Variants in MAGI1 observed in about 807,000 individuals in gnomAD.
MAGI1 encodes membrane-associated guanylate kinase, WW and PDZ domain-containing protein 1.
MAGI1 carries 58 observed loss-of-function variants against 139.9 expected under a neutral mutation model. The observed-to-expected ratio is 0.41, with a 90% CI of 0.34 to 0.52. The LOEUF is 0.52. Ranked by LOEUF, MAGI1 falls within the 20% of genes least tolerant of loss-of-function variation. The pLI, the probability that MAGI1 is intolerant of heterozygous loss-of-function variation, is 0.12. For missense variants in MAGI1, 1,874 were observed against 1,901.6 expected, an observed-to-expected ratio of 0.99 and a Z score of 0.27; for synonymous variants, 812 against 737.9, an observed-to-expected ratio of 1.10 and a Z score of -1.63.
intron 1 of MAGI1, among the ~76,000 whole-genome samples, chr3:65,988,520 G>T (rs751490135): frequency 1.4e-4 from 22 of 152,128 alleles, no homozygotes; most frequent in Admixed American, 3.9e-4. Context: ...ACAAATGAGG[G>T]CAAAACCAGA....
At chr3:65,600,168 T>G (rs1429063267) in intron 2 of MAGI1, among the ~76,000 whole-genome samples, 2 of 152,182 alleles carry the variant, frequency 1.3e-5, no homozygotes, top group Admixed American at 1.3e-4. Flanking sequence ...AGAAAATGAT[T>G]GTACAGTACA....
At chr3:66,011,937 A>C (rs1268992533) in intron 1 of MAGI1, among the ~76,000 whole-genome samples, 1 of 152,138 alleles carries the variant, frequency 6.6e-6, no homozygotes, top group Non-Finnish European at 1.5e-5. Flanking sequence ...AGTAAAATGC[A>C]ATTCTAGCGA....
At chr3:65,605,935 T>C (rs945797769) in intron 2 of MAGI1, among the ~76,000 whole-genome samples, 6 of 152,160 alleles carry the variant, frequency 3.9e-5, no homozygotes, top group Non-Finnish European at 8.8e-5. Context: ...GGTAGTTACA[T>C]GTAAAACATC....
At chr3:65,600,590 C>A (rs77486738) in intron 2 of MAGI1, among the ~76,000 whole-genome samples, 3,279 of 152,172 alleles carry the variant, frequency 0.022, 96 homozygotes, top group African/African-American at 0.069. Context: ...TTGTCGCACA[C>A]ACAAAATTAA....
At chr3:65,389,229 T>C (rs1030028289) in intron 14 of MAGI1, among the ~76,000 whole-genome samples, 6 of 152,150 alleles carry the variant, frequency 3.9e-5, no homozygotes, top group African/African-American at 1.4e-4. Context: ...TCCTAATTTT[T>C]TTTTCCTAGT....
intron 1 of MAGI1, among the ~76,000 whole-genome samples, chr3:65,766,677 G>A (rs960077207): frequency 2.0e-5 from 3 of 151,844 alleles, no homozygotes; most frequent in African/African-American, 4.8e-5. Flanking sequence ...ATCACTTGAG[G>A]TCATGAGTTT....
At chr3:65,565,856 C>CAAAAA (rs766254957) in intron 2 of MAGI1, among the ~76,000 whole-genome samples, 1 of 93,930 alleles carries the variant, frequency 1.1e-5, no homozygotes. Flanking sequence ...GACTCCGTGT[C>CAAAAA]AAAAAAAAAA....
intron 1 of MAGI1, among the ~76,000 whole-genome samples, chr3:65,899,209 G>A (rs943884327): frequency 3.3e-5 from 5 of 152,128 alleles, no homozygotes; most frequent in East Asian, 1.9e-4. Context: ...GACCCACCAC[G>A]CCCAGCCTAA....
intron 12 of MAGI1, among the ~76,000 whole-genome samples, chr3:65,411,788 G>A (rs1023210834): frequency 5.9e-5 from 9 of 151,884 alleles, no homozygotes; most frequent in Non-Finnish European, 1.3e-4. Flanking sequence ...AATAATATCC[G>A]GGCTTTTAAC....
intron 1 of MAGI1, among the ~76,000 whole-genome samples, chr3:65,916,314 C>A (rs1401817673): frequency 6.6e-6 from 1 of 152,002 alleles, no homozygotes; most frequent in Admixed American, 6.6e-5. Flanking sequence ...AGTGATCTTC[C>A]CGTCTCAGCC....
intron 1 of MAGI1, among the ~76,000 whole-genome samples, chr3:65,940,766 A>C (rs1250510699): frequency 6.6e-6 from 1 of 152,236 alleles, no homozygotes; most frequent in Admixed American, 6.5e-5. Flanking sequence ...CAAAGTGCGT[A>C]TCAGACTGCA....
At chr3:65,735,939 C>T (rs749634448) in intron 1 of MAGI1, among the ~76,000 whole-genome samples, 9 of 152,144 alleles carry the variant, frequency 5.9e-5, no homozygotes, top group Non-Finnish European at 1.3e-4. Flanking sequence ...TTCATAGAGG[C>T]CCATGGAGAT....
intron 1 of MAGI1, among the ~76,000 whole-genome samples, chr3:65,627,986 C>G (rs1159820544): frequency 6.6e-6 from 1 of 152,042 alleles, no homozygotes; most frequent in Admixed American, 6.6e-5. Context: ...ATTTATTTAT[C>G]CTTCATAGAA....
intron 1 of MAGI1, among the ~76,000 whole-genome samples, chr3:65,658,915 T>C (rs534803434): frequency 6.6e-6 from 1 of 152,220 alleles, no homozygotes; most frequent in Non-Finnish European, 1.5e-5. Flanking sequence ...CAATAAATAC[T>C]AGAAATCAAC....
chr3:65,437,461 G>T (rs2107392448), intron 9 of MAGI1, among the ~76,000 whole-genome samples: 1 of 148,730 alleles, frequency 6.7e-6, no homozygotes, highest in East Asian at 2.0e-4. Flanking sequence ...ACGATATAAT[G>T]AATAAGAACT....
At chr3:65,418,440 T>C (rs1946392192) in intron 12 of MAGI1, among the ~76,000 whole-genome samples, 2 of 152,114 alleles carry the variant, frequency 1.3e-5, no homozygotes, top group Non-Finnish European at 2.9e-5. Flanking sequence ...AAATAGAAAT[T>C]TCAATAGTTT....
At chr3:65,571,268 T>A (rs1423794749) in intron 2 of MAGI1, among the ~76,000 whole-genome samples, 1 of 152,208 alleles carries the variant, frequency 6.6e-6, no homozygotes, top group Non-Finnish European at 1.5e-5. Flanking sequence ...TTATTTTATA[T>A]AAGTTTTCAT....
chr3:65,653,030 A>C (rs548824515), intron 1 of MAGI1, among the ~76,000 whole-genome samples: 2 of 152,320 alleles, frequency 1.3e-5, no homozygotes, highest in South Asian at 4.1e-4. Context: ...ATCCAGCAAG[A>C]ATCCGGGTCA....
intron 1 of MAGI1, among the ~76,000 whole-genome samples, chr3:65,983,661 T>TCTCC (rs1448778462): frequency 6.6e-6 from 1 of 152,108 alleles, no homozygotes; most frequent in Admixed American, 6.6e-5. Context: ...CTTATCTCTC[T>TCTCC]CTCCCTCCCA....
Sources: gnomAD v4.1 joint callset for allele counts (sites outside exome capture counted in the v4.1 genomes callset) on GRCh38, gnomAD v4.1.1 for gene constraint, MANE v1.5 for transcripts, NCBI Gene and HGNC (gene_info 2026-07-23, HGNC 2026-07-21) for gene names.